The following ZC3H12D variants were observed in gnomAD, a reference collection of about 807,000 sequenced individuals.
The protein encoded by ZC3H12D is probable ribonuclease ZC3H12D.
In ZC3H12D, 11 loss-of-function variants were observed where a neutral mutation model predicts 24.2. The observed-to-expected ratio is 0.46, with a 90% confidence interval of 0.29 to 0.75. ZC3H12D has a LOEUF of 0.75. Ranked by LOEUF, ZC3H12D falls within the 30% of genes least tolerant of loss-of-function variation. The probability of loss-of-function intolerance (pLI) is 0.11; values close to 1 mark genes in which losing one functional copy is unlikely to be tolerated. For missense variants in ZC3H12D, 740 were observed against 767.7 expected (o/e 0.96, Z 0.43); for synonymous variants, 333 against 341.8 (o/e 0.97, Z 0.28).
At chr6:149,470,329 C>T (rs908959739) in intron 2 of ZC3H12D, among the ~76,000 whole-genome samples, 4 of 152,074 alleles carry the variant, frequency 2.6e-5, no homozygotes, top group African/African-American at 9.7e-5. Context: ...CACTTCACTC[C>T]AGCCTGGGCA....
At chr6:149,458,850 A>T (rs1776029654) in intron 3 of ZC3H12D, among the ~76,000 whole-genome samples, 1 of 152,090 alleles carries the variant, frequency 6.6e-6, no homozygotes, top group African/African-American at 2.4e-5. Flanking sequence ...AATGAGATTG[A>T]GCATCTTTTC....
chr6:149,450,586 T>C lies in ZC3H12D; in HGVS notation c.*97A>G. ...CATCTTTAAAGAAAAGGGGGCACCA[T>C]GATGGGCCCACTCAGGTCCAGGCTG... On this transcript the variant is annotated 3_prime_UTR_variant, in exon 6 of 6. Coordinates refer to ENST00000409806, the MANE Select transcript of ZC3H12D (RefSeq NM_207360.3). The C allele has an allele frequency of 8.2e-7, 1 of 1,225,946 alleles. No individual in the cohort carries two copies. Among genetic ancestry groups the C allele is most frequent in the South Asian group, 1.6e-5 (1 of 61,372 alleles). 75.9% of individuals were successfully genotyped at this position (1,225,946 alleles called of 1,614,324 possible). A position where few individuals can be genotyped will look rare whatever the true frequency, so the allele number is the denominator to read the frequency against.
Position 149,470,425 on chromosome 6 carries a change from C to T in ZC3H12D, c.305+3814G>A, listed in dbSNP as rs964495283. 2.0e-5 allele frequency among the ~76,000 whole-genome samples: 3 copies of T among 151,990 alleles called. No individual in the cohort carries two copies. The East Asian group carries it at 5.8e-4, about 29-fold the overall frequency. On this transcript the variant is annotated intron_variant, in intron 2 of 5. Coordinates refer to ENST00000409806, the MANE Select transcript of ZC3H12D (RefSeq NM_207360.3). ...TGGCAGGCACCCGTAATCCCAGCTA[C>T]TCAGGAGACTGAGGCAGGAGAATCA...
chr6:149,472,471 C>G (rs1182053003), intron 2 of ZC3H12D, among the ~76,000 whole-genome samples: 1 of 148,650 alleles, frequency 6.7e-6, no homozygotes, highest in African/African-American at 2.5e-5. Context: ...CGTAGTGAGT[C>G]TGAGTAAGGG....
intron 2 of ZC3H12D, among the ~76,000 whole-genome samples, chr6:149,465,753 T>C (rs1776148746): frequency 1.0e-5 from 1 of 97,634 alleles, no homozygotes; most frequent in Non-Finnish European, 1.9e-5. Flanking sequence ...AGACGCCATC[T>C]CAAAAAAAAA....
intron 1 of ZC3H12D, among the ~76,000 whole-genome samples, chr6:149,481,596 A>G (rs1464907196): frequency 6.6e-6 from 1 of 151,658 alleles, no homozygotes; most frequent in African/African-American, 2.4e-5. Flanking sequence ...ACTGGTCTCG[A>G]ACTCCTGACC....
intron 4 of ZC3H12D, among the ~76,000 whole-genome samples, chr6:149,454,080 C>T (rs535127433): frequency 6.6e-6 from 1 of 152,282 alleles, no homozygotes; most frequent in South Asian, 2.1e-4. Context: ...ACAGCCACCT[C>T]GCAGACTTAA....
chr6:149,450,516 G>A lies in ZC3H12D; in HGVS notation c.*167C>T, dbSNP rs2114999906. 1.4e-6 allele frequency: 1 copy of A among 706,002 alleles called. No homozygotes were observed. Among genetic ancestry groups the A allele is most frequent in the East Asian group, 3.0e-5 (1 of 33,206 alleles). 43.7% of individuals were successfully genotyped at this position (706,002 alleles called of 1,614,324 possible). ...CAGTGAGGATCACCAAGTGCCACCA[G>A]GCCCCCACAACCCCGCTCAGGAGGA... On this transcript the variant is annotated 3_prime_UTR_variant, in exon 6 of 6. Transcript: ENST00000409806.
chr6:149,475,285 C>T (rs747481077), intron 1 of ZC3H12D, among the ~76,000 whole-genome samples: 2 of 152,224 alleles, frequency 1.3e-5, no homozygotes, highest in Non-Finnish European at 2.9e-5. Flanking sequence ...CTAACACAGG[C>T]CCCTGGCTTA....
intron 2 of ZC3H12D, among the ~76,000 whole-genome samples, chr6:149,463,362 C>T (rs766670628): frequency 6.6e-6 from 1 of 152,186 alleles, no homozygotes; most frequent in Non-Finnish European, 1.5e-5. Flanking sequence ...TAAAAAGCCA[C>T]GGAAGGATTT....
Position 149,448,686 on chromosome 6 carries a change from G to A in ZC3H12D, c.*1997C>T, listed in dbSNP as rs1480184609. On this transcript the variant is annotated 3_prime_UTR_variant, in exon 6 of 6. Coordinates refer to ENST00000409806, the MANE Select transcript of ZC3H12D (RefSeq NM_207360.3). ...GTGCACCGTCCTCTTTGGAAAAAGG[G>A]GGTAAGGAACAGATCTGGCTCAATC... The A allele has an allele frequency of 6.6e-6, 1 of 152,206 alleles. No homozygotes were observed. Among genetic ancestry groups the A allele is most frequent in the Non-Finnish European group, 1.5e-5 (1 of 68,058 alleles). The allele number at this position is 152,206 out of a possible 1,614,324, so 9.4% of individuals were successfully genotyped here.
At chr6:149,473,181 C>T (rs1391640013) in intron 2 of ZC3H12D, among the ~76,000 whole-genome samples, 1 of 151,018 alleles carries the variant, frequency 6.6e-6, no homozygotes, top group Non-Finnish European at 1.5e-5. Flanking sequence ...AGTGCAGGGA[C>T]AGCCCCTGAG....
chr6:149,465,882 C>T (rs1776153529), intron 2 of ZC3H12D, among the ~76,000 whole-genome samples: 1 of 151,626 alleles, frequency 6.6e-6, no homozygotes, highest in Non-Finnish European at 1.5e-5. Flanking sequence ...CAGCTCCACC[C>T]AGCCCAACCA....
chr6:149,481,391 T>TA (rs1472596713), intron 1 of ZC3H12D, among the ~76,000 whole-genome samples: 1 of 150,588 alleles, frequency 6.6e-6, no homozygotes, highest in Non-Finnish European at 1.5e-5. Flanking sequence ...TTTTTTTTTT[T>TA]AGAGGGAGAG....
intron 1 of ZC3H12D, among the ~76,000 whole-genome samples, chr6:149,479,954 A>G (rs59048379): frequency 0.016 from 2,478 of 152,220 alleles, 65 homozygotes; most frequent in African/African-American, 0.057. Context: ...AGAAATCTCG[A>G]AGTCCCCTTT....
At chr6:149,469,395 T>A (rs891392556) in intron 2 of ZC3H12D, among the ~76,000 whole-genome samples, 33 of 152,012 alleles carry the variant, frequency 2.2e-4, no homozygotes, top group Non-Finnish European at 3.7e-4. Flanking sequence ...GAGGCGGAGC[T>A]TGCAGTGAGC....
At position 149,456,612 on chromosome 6, in the gene ZC3H12D, C is replaced by A; in HGVS notation, c.680+54G>T. 2.6e-6 allele frequency: 3 copies of A among 1,172,284 alleles called. No homozygotes were observed. Among genetic ancestry groups the A allele is most frequent in the Non-Finnish European group, 3.7e-6 (3 of 805,432 alleles). 72.6% of individuals were successfully genotyped at this position (1,172,284 alleles called of 1,614,324 possible). A position where few individuals can be genotyped will look rare whatever the true frequency, so the allele number is the denominator to read the frequency against. ...TAGCAGGCGTGGCCACTGCCTCGAC[C>A]CCGGCCCCCCGCCCCGCCGCCCCCC... On this transcript the variant is annotated intron_variant, in intron 4 of 5. Coordinates refer to ENST00000409806, the MANE Select transcript of ZC3H12D (RefSeq NM_207360.3). This position sits in a 1 kb window ranked among gnomAD's most constrained non-coding sequence, Gnocchi z 4.3.
intron 3 of ZC3H12D, chr6:149,459,690 G>A (rs1422856005): frequency 1.1e-5 from 8 of 717,800 alleles, no homozygotes; most frequent in African/African-American, 1.7e-5. Flanking sequence ...TATAAAGAAA[G>A]TGAAGCTACA....
intron 2 of ZC3H12D, among the ~76,000 whole-genome samples, chr6:149,464,993 C>T (rs112225): frequency 0.36 from 55,421 of 152,110 alleles, 10,634 homozygotes; most frequent in African/African-American, 0.46. Context: ...TGAATTCACA[C>T]TGCTGTGCTC....
Sources: allele counts gnomAD v4.1 joint callset (sites outside exome capture counted in the v4.1 genomes callset), GRCh38; gene constraint gnomAD v4.1.1; non-coding constraint Gnocchi (gnomAD v3.1); transcripts MANE v1.5; gene names NCBI Gene and HGNC (gene_info 2026-07-23, HGNC 2026-07-21).